STPG2: variants seen among roughly 807,000 people sequenced by gnomAD.
STPG2 encodes the protein sperm-tail PG-rich repeat-containing protein 2.
STPG2 carries 56 observed loss-of-function variants against 54.2 expected under a neutral mutation model. That is an observed-to-expected ratio of 1.03 (90% CI 0.83 to 1.29). STPG2 has a LOEUF of 1.29. STPG2 is among the 50% of genes most tolerant of loss of function. The probability of loss-of-function intolerance (pLI) is 0.00; values close to 1 mark genes in which losing one functional copy is unlikely to be tolerated. For synonymous variants in STPG2, 200 were observed against 181.8 expected (o/e 1.10, Z -0.81); for missense variants, 596 against 544.9 (o/e 1.09, Z -0.93).
intron 9 of STPG2, among the ~76,000 whole-genome samples, chr4:97,753,873 G>A (rs540737439): frequency 6.6e-6 from 1 of 151,892 alleles, no homozygotes; most frequent in South Asian, 2.1e-4. Flanking sequence ...TGTTGTTGTT[G>A]TTGTTTTTGA....
chr4:97,752,016 T>TA (rs1288435453), intron 9 of STPG2, among the ~76,000 whole-genome samples: 1 of 151,690 alleles, frequency 6.6e-6, no homozygotes. Context: ...TTTTTCTAAT[T>TA]AAAAAATAGT....
intron 4 of STPG2, among the ~76,000 whole-genome samples, chr4:97,467,843 C>CTTTT (rs575151800): frequency 3.7e-5 from 5 of 134,018 alleles, no homozygotes; most frequent in South Asian, 2.4e-4. Context: ...GCTGCTTTTG[C>CTTTT]TTTTTTTTTT....
At chr4:98,095,263 G>A (rs901129697) in intron 5 of STPG2, among the ~76,000 whole-genome samples, 6 of 152,054 alleles carry the variant, frequency 3.9e-5, no homozygotes, top group Non-Finnish European at 5.9e-5. Flanking sequence ...AAAAGGAAGA[G>A]AAGACCACAA....
At chr4:97,829,368 G>C (rs1305987348) in intron 9 of STPG2, among the ~76,000 whole-genome samples, 1 of 152,092 alleles carries the variant, frequency 6.6e-6, no homozygotes, top group Non-Finnish European at 1.5e-5. Context: ...CCATCCAAAA[G>C]TCACCAACAT....
At chr4:97,846,885 T>C (rs1460063432) in intron 8 of STPG2, among the ~76,000 whole-genome samples, 2 of 152,194 alleles carry the variant, frequency 1.3e-5, no homozygotes, top group East Asian at 3.8e-4. Flanking sequence ...TCCATTTCTG[T>C]GCATATATAT....
intron 8 of STPG2, among the ~76,000 whole-genome samples, chr4:97,924,342 T>C (rs1239341087): frequency 2.0e-5 from 3 of 152,228 alleles, no homozygotes; most frequent in Non-Finnish European, 4.4e-5. Context: ...ACATATGTGA[T>C]GGAAAATGCC....
chr4:97,740,739 A>C lies in STPG2; in HGVS notation c.1205-27925T>G, dbSNP rs565075671. On this transcript the variant is annotated intron_variant, in intron 9 of 10. Transcript: ENST00000295268. ...GATACAAACAAATGGAAGAACATTC[A>C]ATGCTCATGAGTAGGAAGAATCAAT... 3.2e-3 allele frequency among the ~76,000 whole-genome samples: 486 copies of C among 152,266 alleles called. 3 individuals carry two copies. Among genetic ancestry groups the C allele is most frequent in the South Asian group, 8.5e-3 (41 of 4,824 alleles).
intron 10 of STPG2, among the ~76,000 whole-genome samples, chr4:97,668,155 C>A (rs1173773750): frequency 1.3e-5 from 2 of 151,970 alleles, no homozygotes; most frequent in African/African-American, 4.8e-5. Flanking sequence ...AAGGACTGCA[C>A]TTAAGAATAA....
At chr4:98,029,315 C>T (rs1736523467) in intron 5 of STPG2, among the ~76,000 whole-genome samples, 1 of 152,058 alleles carries the variant, frequency 6.6e-6, no homozygotes, top group African/African-American at 2.4e-5. Flanking sequence ...TTCTTTATTT[C>T]TCCATTCTAT....
chr4:97,766,990 T>A (rs1482900953), intron 9 of STPG2, among the ~76,000 whole-genome samples: 1 of 152,074 alleles, frequency 6.6e-6, no homozygotes, highest in East Asian at 1.9e-4. Flanking sequence ...GAATCAGTAT[T>A]TTTAAAATCT....
intron 9 of STPG2, among the ~76,000 whole-genome samples, chr4:97,727,247 C>A (rs921844934): frequency 4.0e-5 from 6 of 151,816 alleles, no homozygotes; most frequent in Non-Finnish European, 7.4e-5. Flanking sequence ...ATGTGTCTAT[C>A]TCATGATTCC....
intron 10 of STPG2, among the ~76,000 whole-genome samples, chr4:97,679,303 T>G (rs1197054655): frequency 3.3e-5 from 5 of 151,824 alleles, no homozygotes; most frequent in African/African-American, 1.2e-4. Flanking sequence ...TCCTGACTTT[T>G]TAATGATTGC....
chr4:97,742,870 T>C (rs1040642565), intron 9 of STPG2, among the ~76,000 whole-genome samples: 4 of 151,546 alleles, frequency 2.6e-5, no homozygotes, highest in South Asian at 2.1e-4. Flanking sequence ...TAATATTGCA[T>C]TGTATACTAG....
rs564626604 is a variant in STPG2 at position 97,624,845 on chromosome 4, C to A, written c.1321-65728G>T. On this transcript the variant is annotated intron_variant, in intron 10 of 10. Coordinates refer to ENST00000295268, the MANE Select transcript of STPG2 (RefSeq NM_174952.3). Reference sequence around the variant, plus strand: ...GTTTCAATTTTCTGTATATGGCTAGCCAGTTCTCCCAGCACCGTTTATTAA... The same window carrying A: ...GTTTCAATTTTCTGTATATGGCTAGACAGTTCTCCCAGCACCGTTTATTAA... Among the ~76,000 whole-genome samples the A allele has an allele frequency of 2.0e-5, 3 of 152,226 alleles. No individual in the cohort carries two copies. In the South Asian group the frequency reaches 6.2e-4, roughly 32 times the overall value.
chr4:97,844,764 G>C (rs1238938073), intron 8 of STPG2, among the ~76,000 whole-genome samples: 1 of 151,466 alleles, frequency 6.6e-6, no homozygotes, highest in African/African-American at 2.4e-5. Context: ...TATTTTTTCT[G>C]CTCCTTTCTT....
intron 9 of STPG2, among the ~76,000 whole-genome samples, chr4:97,805,063 T>C (rs1295288493): frequency 1.3e-5 from 2 of 152,204 alleles, no homozygotes; most frequent in African/African-American, 4.8e-5. Context: ...AACACATGAC[T>C]ATATGTGTTC....
chr4:97,914,444 T>C (rs1056025151), intron 8 of STPG2, among the ~76,000 whole-genome samples: 1 of 152,198 alleles, frequency 6.6e-6, no homozygotes, highest in African/African-American at 2.4e-5. Flanking sequence ...GTAAGACACA[T>C]AAAATGTATC....
At chr4:97,819,824 AC>A (rs1728026421) in intron 9 of STPG2, among the ~76,000 whole-genome samples, 1 of 152,234 alleles carries the variant, frequency 6.6e-6, no homozygotes, top group South Asian at 2.1e-4. Context: ...GTATTTGTTC[AC>A]ATAGAGAACA....
intron 8 of STPG2, among the ~76,000 whole-genome samples, chr4:97,919,938 G>A (rs747589053): frequency 1.3e-5 from 2 of 152,106 alleles, no homozygotes; most frequent in Non-Finnish European, 2.9e-5. Context: ...AATAGCCTAT[G>A]TACTGCCATG....
Sources: allele counts gnomAD v4.1 joint callset (sites outside exome capture counted in the v4.1 genomes callset), GRCh38; gene constraint gnomAD v4.1.1; transcripts MANE v1.5; gene names NCBI Gene and HGNC (gene_info 2026-07-23, HGNC 2026-07-21).